The following ALAD variants were observed in gnomAD, a reference collection of about 807,000 sequenced individuals.
The protein encoded by ALAD is delta-aminolevulinic acid dehydratase.
ALAD carries 20 observed loss-of-function variants against 44.4 expected under a neutral mutation model. The observed-to-expected ratio is 0.45, with a 90% CI of 0.32 to 0.65. The LOEUF (loss-of-function observed/expected upper bound fraction) is 0.65, where lower values mean the gene tolerates loss of function less well. Among genes scored for constraint, ALAD ranks in the 30% least tolerant of loss-of-function variants. The pLI, the probability that ALAD is intolerant of heterozygous loss-of-function variation, is 0.05. For missense variants in ALAD, 323 were observed against 445.7 expected, an observed-to-expected ratio of 0.72 and a Z score of 2.48; for synonymous variants, 156 against 167.9, an observed-to-expected ratio of 0.93 and a Z score of 0.55.
At chr9:113,389,707 G>A (rs1455064800) in intron 8 of ALAD, 21 bp from the exon 9 acceptor site, 1 of 1,614,024 alleles carries the variant, frequency 6.2e-7, no homozygotes, top group Non-Finnish European at 8.5e-7. Context: ...GAGTCATCAG[G>A]GTGGGCTCCA....
chr9:113,393,402 C>CCCCAAA (rs2118998568), intron 2 of ALAD, 45 bp downstream of exon 2: 5 of 1,498,886 alleles, frequency 3.3e-6, no homozygotes, highest in Non-Finnish European at 3.7e-6. Flanking sequence ...CCAACCCCAA[C>CCCCAAA]CCCAACCAGC....
chr9:113,397,925 G>A (rs1027268652), intron 1 of ALAD, among the ~76,000 whole-genome samples: 1 of 149,366 alleles, frequency 6.7e-6, no homozygotes, highest in Admixed American at 6.6e-5. Flanking sequence ...GCACCTGGCC[G>A]AGAGAATATT....
rs8177820 is a variant in ALAD, at chr9:113,388,194, G to C, written c.*106C>G. 2.5e-6 allele frequency: 3 copies of C among 1,210,208 alleles called. No homozygotes were observed. Among genetic ancestry groups the C allele is most frequent in the Non-Finnish European group, 2.5e-6 (2 of 815,284 alleles). The allele number at this position is 1,210,208 out of a possible 1,614,324, so 75.0% of individuals were successfully genotyped here. On this transcript the variant is annotated 3_prime_UTR_variant, in exon 12 of 12. Transcript: ENST00000409155. ...CCCCGCTAGCATGTGAGCAGGAAGA[G>C]GGCATGAGGGCACAGTTCTAAAAGC...
At position 113,389,083 on chromosome 9, in the gene ALAD, C is replaced by T. The variant is rs1198373537; in HGVS notation, c.825G>A (p.Val275=). The T allele has an allele frequency of 6.2e-7, 1 of 1,613,994 alleles. No individual in the cohort carries two copies. The highest frequency in any genetic ancestry group is 8.5e-7 in the Non-Finnish European group (1 of 1,180,048). Residue 275 remains valine, a synonymous_variant, in exon 11 of 12, where the codon GTG becomes GTA. Transcript: ENST00000409155. ...KDKHPDLPLA[V]YHVSGEFAML... Reference sequence around the variant, plus strand: ...TGGCAAACTCTCCAGAGACGTGGTACACGGCGAGAGGGAGGTCAGGGTGCT... The same window carrying T: ...TGGCAAACTCTCCAGAGACGTGGTATACGGCGAGAGGGAGGTCAGGGTGCT...
intron 4 of ALAD, among the ~76,000 whole-genome samples, chr9:113,391,217 A>G (rs1191052462): frequency 6.6e-6 from 1 of 151,632 alleles, no homozygotes; most frequent in Non-Finnish European, 1.5e-5. Flanking sequence ...TTCTGTTTGT[A>G]TTGGAGACAG....
chr9:113,392,412 A>G (rs2118995158), intron 2 of ALAD: 1 of 1,199,434 alleles, frequency 8.3e-7, no homozygotes, highest in Non-Finnish European at 1.1e-6. Flanking sequence ...AATTACAGGA[A>G]GGAATTAAGT....
rs1165724882 is a variant in ALAD, at chr9:113,392,145, A to G, written c.138T>C (p.Pro46=). 1 of 1,613,824 alleles carries G rather than the reference A, an allele frequency of 6.2e-7. No individual in the cohort carries two copies. The highest frequency in any genetic ancestry group is 1.3e-5 in the African/African-American group (1 of 75,036). ...FVTDVPDDIQ[P]ITSLPGVARY... The stretch of plus-strand genomic sequence containing the variant: ...TGGCCACTCCTGGGAGGCTGGTGAT[A>G]GGCTGTATGTCATCAGGAACATCCC... Residue 46 remains proline, a synonymous_variant, in exon 3 of 12, where the codon CCT becomes CCC. Coordinates refer to ENST00000409155, the MANE Select transcript of ALAD (RefSeq NM_000031.6).
At chr9:113,390,741 G>C in intron 5 of ALAD, 57 bp downstream of exon 5, 1 of 1,600,060 alleles carries the variant, frequency 6.2e-7, no homozygotes, top group Non-Finnish European at 8.5e-7. Flanking sequence ...ACCCTGTTGA[G>C]AAGTGGGCAG....
In ALAD at chr9:113,387,199, C is replaced by T. The variant is rs949465970; in HGVS notation, c.*1101G>A. ...TGCATTCCTCCAGCTAGAAGGAGCCCCAGGGCCTTTGCACAACTCCTCCCT... is the reference window on the plus strand; with the variant it reads ...TGCATTCCTCCAGCTAGAAGGAGCCTCAGGGCCTTTGCACAACTCCTCCCT... On this transcript the variant is annotated 3_prime_UTR_variant, in exon 12 of 12. Coordinates refer to ENST00000409155, the MANE Select transcript of ALAD (RefSeq NM_000031.6). 5.9e-5 allele frequency: 9 copies of T among 152,336 alleles called. No individual in the cohort carries two copies. Among genetic ancestry groups the T allele is most frequent in the South Asian group, 2.1e-4 (1 of 4,836 alleles). The allele number at this position is 152,336 out of a possible 1,614,324, so 9.4% of individuals were successfully genotyped here. A position where few individuals can be genotyped will look rare whatever the true frequency, so the allele number is the denominator to read the frequency against.
chr9:113,388,438 C>T, intron 11 of ALAD, 77 bp from the exon 12 acceptor site: 6 of 1,394,186 alleles, frequency 4.3e-6, no homozygotes, highest in Non-Finnish European at 6.1e-6. Context: ...ATGGGAAGGC[C>T]AGGCGGGGAA....
chr9:113,390,037 CTTT>C (rs201277398), intron 7 of ALAD, among the ~76,000 whole-genome samples: 1 of 148,000 alleles, frequency 6.8e-6, no homozygotes, highest in African/African-American at 2.5e-5. Context: ...TTCTGTGATT[CTTT>C]TTTTTTTTGA....
At position 113,387,467 on chromosome 9, in the gene ALAD, A is replaced by T. The variant is rs1011414484; in HGVS notation, c.*833T>A. 1 of 152,326 alleles carries T rather than the reference A, an allele frequency of 6.6e-6. No homozygotes were observed. Among genetic ancestry groups the T allele is most frequent in the Admixed American group, 6.5e-5 (1 of 15,296 alleles). 9.4% of individuals were successfully genotyped at this position (152,326 alleles called of 1,614,324 possible). ...ACCCCTTCTTTCCTTCAAAGCACTT[A>T]TCACAATTTGTAACTGCTTTATTTC... On this transcript the variant is annotated 3_prime_UTR_variant, in exon 12 of 12. Transcript: ENST00000409155.
intron 4 of ALAD, 147 bp downstream of exon 4, chr9:113,391,379 AT>A: frequency 1.3e-6 from 1 of 743,406 alleles, no homozygotes; most frequent in Non-Finnish European, 2.4e-6. Context: ...TAACTTTTGT[AT>A]TTTTTGTAGA....
intron 3 of ALAD, 131 bp downstream of exon 3, chr9:113,391,988 T>C (rs1418253477): frequency 1.0e-6 from 1 of 969,538 alleles, no homozygotes; most frequent in Non-Finnish European, 1.6e-6. Flanking sequence ...GGGGAAACCC[T>C]TTCCTCTACT....
At position 113,389,490 on chromosome 9, in the gene ALAD, A is replaced by G. The variant is rs1323527947; in HGVS notation, c.749T>C (p.Met250Thr). 9 of 1,614,004 alleles carry G rather than the reference A, an allele frequency of 5.6e-6. No individual in the cohort carries two copies. Among genetic ancestry groups the G allele is most frequent in the Non-Finnish European group, 7.6e-6 (9 of 1,180,044 alleles). Reference protein sequence around the residue: ...RDVREGADMLMVKPGMPYLDI... With the variant: ...RDVREGADMLTVKPGMPYLDI... The stretch of plus-strand genomic sequence containing the variant: ...CAGGTAGGGCATTCCCGGCTTCACC[A>G]TGAGCATGTCAGCTCCTTCCCGTAC... Residue 250 changes from methionine (M) to threonine (T), a missense_variant, in exon 10 of 12, where the codon ATG (methionine) becomes ACG (threonine). Transcript: ENST00000409155.
Position 113,390,781 on chromosome 9 carries a change from G to A in ALAD, c.397+17C>T. ...AGTGTGGGTGGCAGCAGGGCTGGTG[G>A]GAGGGAGGGAACTCACCGCAGTGAC... On this transcript the variant is annotated intron_variant, in intron 5 of 11. Transcript: ENST00000409155. 6.2e-7 allele frequency: 1 copy of A among 1,603,704 alleles called. No homozygotes were observed. The highest frequency in any genetic ancestry group is 8.5e-7 in the Non-Finnish European group (1 of 1,175,356).
chr9:113,389,916 G>A, intron 7 of ALAD, 88 bp from the exon 8 acceptor site: 1 of 1,510,932 alleles, frequency 6.6e-7, no homozygotes. Flanking sequence ...AACCTAGGCT[G>A]GGAAGGAGAC....
At chr9:113,388,432 G>C (rs1174020499) in intron 11 of ALAD, 71 bp from the exon 12 acceptor site, 9 of 1,451,348 alleles carry the variant, frequency 6.2e-6, no homozygotes, top group Non-Finnish European at 8.7e-6. Flanking sequence ...TCTGCGATGG[G>C]AAGGCCAGGC....
intron 7 of ALAD, 105 bp downstream of exon 7, chr9:113,390,300 G>T (rs933035563): frequency 2.5e-6 from 3 of 1,201,764 alleles, no homozygotes; most frequent in African/African-American, 3.0e-5. Context: ...GGGACTACAG[G>T]TGTGAGCCAA....
Sources: allele counts gnomAD v4.1 joint callset (sites outside exome capture counted in the v4.1 genomes callset), GRCh38; gene constraint gnomAD v4.1.1; transcripts MANE v1.5; gene names NCBI Gene and HGNC (gene_info 2026-07-23, HGNC 2026-07-21).